OXR1: variants seen among roughly 807,000 people sequenced by gnomAD.
The protein encoded by OXR1 is oxidation resistance 1, also known as oxidation resistance protein 1.
In OXR1, 41 loss-of-function variants were observed where a neutral mutation model predicts 104.6. The ratio of observed to expected loss-of-function variants is 0.39; its 90% confidence interval spans 0.31 to 0.51. OXR1 has a LOEUF of 0.51. Ranked by LOEUF, OXR1 falls within the 20% of genes least tolerant of loss-of-function variation. OXR1 has a pLI of 0.77. For synonymous variants in OXR1, 348 were observed against 348.4 expected, an observed-to-expected ratio of 1.00 and a Z score of 0.01; for missense variants, 955 against 1,031.9, an observed-to-expected ratio of 0.93 and a Z score of 1.02.
intron 1 of OXR1, among the ~76,000 whole-genome samples, chr8:106,352,685 G>A (rs943483321): frequency 3.3e-5 from 5 of 152,080 alleles, no homozygotes; most frequent in South Asian, 2.1e-4. Flanking sequence ...GGGAAATATT[G>A]TATATGTACA....
chr8:106,371,564 G>A (rs115060565), intron 2 of OXR1, among the ~76,000 whole-genome samples: 5,449 of 152,156 alleles, frequency 0.036, 116 homozygotes, highest in East Asian at 0.068. Context: ...CACTGCTTTC[G>A]CTATGTCCCA....
Position 106,519,177 on chromosome 8 carries a change from A to G in OXR1, c.220+38A>G. 5 of 1,384,566 alleles carry G rather than the reference A, an allele frequency of 3.6e-6. No homozygotes were observed. The East Asian group carries it at 1.3e-4, about 35-fold the overall frequency. 85.8% of individuals were successfully genotyped at this position (1,384,566 alleles called of 1,614,324 possible). On this transcript the variant is annotated intron_variant, in intron 3 of 16. Transcript: ENST00000517566. ...TGTTTTATGCAAGTGAATAGATGAA[A>G]TCTACCTAAATGGCATTGAGAATTT... is the stretch of plus-strand genomic sequence containing the variant.
At chr8:106,693,174 T>G (rs1206501642) in intron 7 of OXR1, among the ~76,000 whole-genome samples, 17 of 152,238 alleles carry the variant, frequency 1.1e-4, no homozygotes. Context: ...CCAGGTACTG[T>G]GTGGAGTGTG....
intron 7 of OXR1, chr8:106,697,610 A>G (rs879036824): frequency 1.2e-5 from 19 of 1,612,988 alleles, no homozygotes; most frequent in South Asian, 5.5e-5. Flanking sequence ...GCTACTGCCA[A>G]CCCACCCAGA....
At chr8:106,561,947 C>T (rs1265254620) in intron 3 of OXR1, among the ~76,000 whole-genome samples, 1 of 152,088 alleles carries the variant, frequency 6.6e-6, no homozygotes, top group Non-Finnish European at 1.5e-5. Context: ...AAAGGACATC[C>T]ACACAAAAAC....
chr8:106,273,789 T>G (rs931138753), intron 1 of OXR1, among the ~76,000 whole-genome samples: 2 of 152,226 alleles, frequency 1.3e-5, no homozygotes, highest in Non-Finnish European at 2.9e-5. Flanking sequence ...TTTTTCAGCC[T>G]TTAAAAAACA....
chr8:106,538,057 T>C (rs2130302139), intron 3 of OXR1, among the ~76,000 whole-genome samples: 1 of 152,312 alleles, frequency 6.6e-6, no homozygotes, highest in South Asian at 2.1e-4. Context: ...CCTGGCTGAA[T>C]TAGGCATAAA....
rs116796216 is a variant in OXR1 at position 106,279,801 on chromosome 8, C to A, written c.-139+9434C>A. 9.9e-3 allele frequency among the ~76,000 whole-genome samples: 1,501 copies of A among 152,238 alleles called. 15 individuals carry two copies. Among genetic ancestry groups the A allele is most frequent in the African/African-American group, 0.033 (1,361 of 41,536 alleles). On this transcript the variant is annotated intron_variant, in intron 1 of 16. Coordinates refer to ENST00000517566, the MANE Select transcript of OXR1 (RefSeq NM_001198533.2). Reference sequence around the variant, plus strand: ...CTTATCAGAGTTCCTTCACTGACTTCAATAGAAGTGTATTCTATTCAGATT... The same window carrying A: ...CTTATCAGAGTTCCTTCACTGACTTAAATAGAAGTGTATTCTATTCAGATT...
chr8:106,442,359 T>C (rs1282070134), intron 2 of OXR1, among the ~76,000 whole-genome samples: 2 of 152,190 alleles, frequency 1.3e-5, no homozygotes, highest in East Asian at 3.8e-4. Context: ...TCATCAGGGA[T>C]AATGGCCTGA....
rs1235099359 is a variant in OXR1 at position 106,737,593 on chromosome 8, G to A, written c.2030G>A (p.Arg677His). 11 of 1,382,438 alleles carry A rather than the reference G, an allele frequency of 8.0e-6. No individual in the cohort carries two copies. The highest frequency in any genetic ancestry group is 2.5e-5 in the Admixed American group (1 of 40,494). 85.6% of individuals were successfully genotyped at this position (1,382,438 alleles called of 1,614,324 possible). ...NTEELRTLCR[R>H]LQITTREDIN... Reference sequence around the variant, plus strand: ...GAAGAACTGCGCACACTCTGCAGACGCCTCCAGGTGCCCCCTTCAGTAGTT... The same window carrying A: ...GAAGAACTGCGCACACTCTGCAGACACCTCCAGGTGCCCCCTTCAGTAGTT... Residue 677 changes from arginine to histidine, a missense_variant, in exon 12 of 17, where the codon CGC (arginine) becomes CAC (histidine). Arg to His is a conservative substitution (Grantham distance 29). This residue lies in a region of OXR1 where 849 missense variants were observed against 852.9 expected (regional missense o/e 1.00). Coordinates refer to ENST00000517566, the MANE Select transcript of OXR1 (RefSeq NM_001198533.2).
intron 2 of OXR1, among the ~76,000 whole-genome samples, chr8:106,442,372 T>A (rs1258358609): frequency 2.6e-5 from 4 of 152,080 alleles, no homozygotes; most frequent in Non-Finnish European, 5.9e-5. Context: ...TGGCCTGAAG[T>A]TTTCTTTTTT....
chr8:106,352,641 A>G (rs1815778313), intron 1 of OXR1, among the ~76,000 whole-genome samples: 1 of 152,220 alleles, frequency 6.6e-6, no homozygotes, highest in African/African-American at 2.4e-5. Flanking sequence ...AAAATCCTGA[A>G]TAGGAATGAG....
Position 106,739,440 on chromosome 8 carries a change from C to T in OXR1, c.2038-18C>T, listed in dbSNP as rs776755357. 17 of 1,604,670 alleles carry T rather than the reference C, an allele frequency of 1.1e-5. No homozygotes were observed. The African/African-American group carries it at 1.7e-4, about 16-fold the overall frequency. ...TCACAAGTTTACATTAATGCACTAC[C>T]TCTATTTACTGTTTTAGATTACTAC... is the stretch of plus-strand genomic sequence containing the variant. On this transcript the variant is annotated intron_variant, in intron 12 of 16. Transcript: ENST00000517566.
At chr8:106,657,523 A>T (rs1179918160) in intron 3 of OXR1, 1 of 142,232 alleles carries the variant, frequency 7.0e-6, no homozygotes, top group African/African-American at 2.6e-5. Context: ...CTGGGTGTCC[A>T]CCCTTTCCCC....
intron 3 of OXR1, among the ~76,000 whole-genome samples, chr8:106,525,556 T>A (rs111505194): frequency 3.9e-5 from 6 of 152,248 alleles, no homozygotes; most frequent in Non-Finnish European, 8.8e-5. Context: ...GTTTATTTTT[T>A]AAAAGTCCTC....
intron 3 of OXR1, among the ~76,000 whole-genome samples, chr8:106,613,417 A>T (rs950867013): frequency 6.6e-6 from 1 of 152,188 alleles, no homozygotes; most frequent in Non-Finnish European, 1.5e-5. Context: ...CTTCTTTTTG[A>T]GTCAGAGTTT....
chr8:106,329,758 C>T (rs1277665239), intron 1 of OXR1, among the ~76,000 whole-genome samples: 1 of 152,142 alleles, frequency 6.6e-6, no homozygotes, highest in East Asian at 1.9e-4. Context: ...GTCTCACATC[C>T]CCCTACCTAT....
chr8:106,482,439 C>A (rs1323852287), intron 2 of OXR1, among the ~76,000 whole-genome samples: 7 of 148,314 alleles, frequency 4.7e-5, no homozygotes, highest in Admixed American at 4.0e-4. Flanking sequence ...AGGCTCAAAT[C>A]CCATCCATGG....
chr8:106,350,821 G>T (rs1023750389), intron 1 of OXR1, among the ~76,000 whole-genome samples: 2 of 152,142 alleles, frequency 1.3e-5, no homozygotes, highest in Non-Finnish European at 2.9e-5. Context: ...TTTGTGCAAC[G>T]ATTGGGGAAA....
Sources: gnomAD v4.1 joint callset for allele counts (sites outside exome capture counted in the v4.1 genomes callset) on GRCh38, gnomAD v4.1.1 for gene constraint, gnomAD v4.1.1 regional missense constraint, MANE v1.5 for transcripts, NCBI Gene and HGNC (gene_info 2026-07-23, HGNC 2026-07-21) for gene names.